The following EVA1C variants were observed in gnomAD, a reference collection of about 807,000 sequenced individuals.
EVA1C encodes the protein protein eva-1 homolog C.
In EVA1C, 25 loss-of-function variants were observed where a neutral mutation model predicts 45.4. That is an observed-to-expected ratio of 0.55 (90% CI 0.40 to 0.77). The LOEUF is 0.77. Among genes scored for constraint, EVA1C ranks in the 30% least tolerant of loss-of-function variants. EVA1C has a pLI of 0.00. For synonymous variants in EVA1C, 190 were observed against 221.2 expected (o/e 0.86, Z 1.25); for missense variants, 479 against 554.8 (o/e 0.86, Z 1.37).
intron 1 of EVA1C, among the ~76,000 whole-genome samples, chr21:32,415,731 C>T (rs1417933941): frequency 6.6e-6 from 1 of 152,168 alleles, no homozygotes; most frequent in Non-Finnish European, 1.5e-5. Context: ...CCAAACACCG[C>T]CTTCTCTCTC....
intron 7 of EVA1C, among the ~76,000 whole-genome samples, chr21:32,514,011 C>T (rs560942635): frequency 6.6e-6 from 1 of 152,278 alleles, no homozygotes; most frequent in South Asian, 2.1e-4. Context: ...TACATGGTAA[C>T]AACTACTTAC....
At position 32,416,702 on chromosome 21, in the gene EVA1C, G is replaced by A. The variant is rs1379894601; in HGVS notation, c.160+3689G>A. ...GTGATTGATGGGCTTCTAGGTAGAG[G>A]TGGGGAGGAAGGAAGGGAAGGAAAG... is the stretch of plus-strand genomic sequence containing the variant. On this transcript the variant is annotated intron_variant, in intron 1 of 7. Coordinates refer to ENST00000300255, the MANE Select transcript of EVA1C (RefSeq NM_058187.5). 2.0e-5 allele frequency among the ~76,000 whole-genome samples: 3 copies of A among 152,200 alleles called. No homozygotes were observed. The South Asian group carries it at 6.2e-4, about 32-fold the overall frequency.
intron 3 of EVA1C, among the ~76,000 whole-genome samples, chr21:32,463,750 A>C (rs1369303349): frequency 6.7e-6 from 1 of 150,072 alleles, no homozygotes; most frequent in Non-Finnish European, 1.5e-5. Context: ...CAAAAAAAAA[A>C]CCTCTTGTAA....
intron 7 of EVA1C, among the ~76,000 whole-genome samples, chr21:32,506,474 G>A (rs73192588): frequency 0.038 from 5,730 of 151,740 alleles, 138 homozygotes; most frequent in South Asian, 0.077. Flanking sequence ...CCATGACCAC[G>A]CCTCCATATA....
rs376157167 is a variant in EVA1C, at chr21:32,449,603, CTTTCGTT to C, written c.161-3705_161-3699del. On this transcript the variant is annotated intron_variant, in intron 1 of 7. Transcript: ENST00000300255. ...ATTGTCTGGATGTGGGCCTAGGTTT[CTTTCGTT>C]TTTTGTTTTTTGTTTTGTTTTTTTT... 6.3e-3 allele frequency among the ~76,000 whole-genome samples: 951 copies of C among 150,318 alleles called. 13 individuals are homozygous for C. Among genetic ancestry groups the C allele is most frequent in the Admixed American group, 0.035 (522 of 15,088 alleles).
intron 7 of EVA1C, among the ~76,000 whole-genome samples, chr21:32,511,003 G>T (rs545594589): frequency 2.0e-5 from 3 of 152,032 alleles, no homozygotes; most frequent in Non-Finnish European, 4.4e-5. Flanking sequence ...TTGTGCCACT[G>T]CACTCCAGCC....
intron 1 of EVA1C, among the ~76,000 whole-genome samples, chr21:32,450,940 G>A (rs1401971149): frequency 6.6e-6 from 1 of 152,156 alleles, no homozygotes; most frequent in Non-Finnish European, 1.5e-5. Flanking sequence ...AGGATAGCTG[G>A]GTTCTTGGCC....
intron 1 of EVA1C, among the ~76,000 whole-genome samples, chr21:32,431,902 G>A (rs1215412569): frequency 3.9e-5 from 6 of 152,152 alleles, no homozygotes; most frequent in Non-Finnish European, 7.3e-5. Flanking sequence ...GTTTTCTAAT[G>A]TATGGACCTC....
rs1174501246 is a variant in EVA1C, at chr21:32,467,837, T to TC, written c.629dup (p.Asp212ArgfsTer58). On this transcript the variant is annotated frameshift_variant, in exon 4 of 8. Transcript: ENST00000300255. LOFTEE classifies it high-confidence loss of function. ...ATCTGCTCCTCCAAGGCAGAGCGGCTCCCCCCTTTCGGTATGTGCTTTTGT... is the reference window on the plus strand; with the variant it reads ...ATCTGCTCCTCCAAGGCAGAGCGGCTCCCCCCCTTTCGGTATGTGCTTTTGT... 1.2e-6 allele frequency: 2 copies of TC among 1,608,152 alleles called. No homozygotes were observed. Among genetic ancestry groups the TC allele is most frequent in the African/African-American group, 2.7e-5 (2 of 74,270 alleles).
intron 1 of EVA1C, among the ~76,000 whole-genome samples, chr21:32,415,014 G>T (rs1302382322): frequency 1.3e-5 from 2 of 152,150 alleles, no homozygotes; most frequent in Admixed American, 6.5e-5. Context: ...TCCAAAGTTG[G>T]CTCATTTGAC....
chr21:32,434,025 T>G lies in EVA1C; in HGVS notation c.161-19287T>G, dbSNP rs1041001761. On this transcript the variant is annotated intron_variant, in intron 1 of 7. Coordinates refer to ENST00000300255, the MANE Select transcript of EVA1C (RefSeq NM_058187.5). Reference sequence around the variant, plus strand: ...AAATAATAAAATAGGCCAGGCGCAGTGGCTTACACCTGAAATCTTAGCAGT... The same window carrying G: ...AAATAATAAAATAGGCCAGGCGCAGGGGCTTACACCTGAAATCTTAGCAGT... 4.0e-4 allele frequency among the ~76,000 whole-genome samples: 61 copies of G among 151,430 alleles called. 1 individual carries two copies. The highest frequency in any genetic ancestry group is 1.4e-3 in the African/African-American group (59 of 41,126).
chr21:32,488,846 A>G (rs1403850924), intron 4 of EVA1C, among the ~76,000 whole-genome samples: 1 of 134,120 alleles, frequency 7.5e-6, no homozygotes, highest in Non-Finnish European at 1.6e-5. Context: ...TTGGCCTCCC[A>G]AAGTGCTGGG....
At chr21:32,434,904 T>C (rs925106898) in intron 1 of EVA1C, among the ~76,000 whole-genome samples, 1 of 152,302 alleles carries the variant, frequency 6.6e-6, no homozygotes, top group Non-Finnish European at 1.5e-5. Flanking sequence ...GCCCGAGGCA[T>C]TTAATACAGC....
chr21:32,497,567 CA>C (rs891536760), intron 5 of EVA1C, among the ~76,000 whole-genome samples: 9 of 152,186 alleles, frequency 5.9e-5, no homozygotes, highest in South Asian at 2.1e-4. Context: ...TTTACTAAAA[CA>C]TTTTTTTTAA....
At chr21:32,413,144 T>A in intron 1 of EVA1C, 131 bp downstream of exon 1, 1 of 760,958 alleles carries the variant, frequency 1.3e-6, no homozygotes, top group Non-Finnish European at 1.8e-6. Flanking sequence ...CAGACACTTG[T>A]CTGGTGTGAG....
chr21:32,507,562 TTGTGTGTGCATGTGTATA>T (rs1242878926), intron 7 of EVA1C, among the ~76,000 whole-genome samples: 1 of 137,878 alleles, frequency 7.3e-6, no homozygotes, highest in Non-Finnish European at 1.6e-5. Flanking sequence ...ATGCGTGTTT[TTGTGTGTGCATGTGTATA>T]TGTGTGTGCA....
At chr21:32,499,539 C>T (rs1326307664) in intron 5 of EVA1C, among the ~76,000 whole-genome samples, 5 of 152,132 alleles carry the variant, frequency 3.3e-5, no homozygotes, top group Non-Finnish European at 5.9e-5. Flanking sequence ...TAGGAATGTC[C>T]GGTGGTTGTT....
rs548702238 is a variant in EVA1C, at chr21:32,473,830, G to A, written c.634+5982G>A. ...AATGCCCTTAGCACTGTCCTGAACG[G>A]TGAGGTCAGAGCTGAACCTTCCATG... On this transcript the variant is annotated intron_variant, in intron 4 of 7. Transcript: ENST00000300255. 10 of 760,922 alleles carry A rather than the reference G, an allele frequency of 1.3e-5. No individual in the cohort carries two copies. The Admixed American group carries it at 3.1e-4, about 24-fold the overall frequency. The allele number at this position is 760,922 out of a possible 1,614,324, so 47.1% of individuals were successfully genotyped here. A position where few individuals can be genotyped will look rare whatever the true frequency, so the allele number is the denominator to read the frequency against.
chr21:32,494,600 T>C (rs1030479207), intron 4 of EVA1C, among the ~76,000 whole-genome samples: 1 of 152,050 alleles, frequency 6.6e-6, no homozygotes, highest in African/African-American at 2.4e-5. Context: ...CTTGCCAACA[T>C]GGTGAAACCC....
Sources: allele counts gnomAD v4.1 joint callset (sites outside exome capture counted in the v4.1 genomes callset), GRCh38; gene constraint gnomAD v4.1.1; transcripts MANE v1.5; gene names NCBI Gene and HGNC (gene_info 2026-07-23, HGNC 2026-07-21).